Variants in IRAG2 observed in about 807,000 individuals in gnomAD.
The protein encoded by IRAG2 is lymphoid restricted membrane protein.
A neutral mutation model predicts 69.9 loss-of-function variants in IRAG2; 45 were observed. That is an observed-to-expected ratio of 0.64 (90% CI 0.51 to 0.83). The LOEUF is 0.83. Ranked by LOEUF, IRAG2 falls within the 40% of genes least tolerant of loss-of-function variation. The pLI, the probability that IRAG2 is intolerant of heterozygous loss-of-function variation, is 0.00. For missense variants in IRAG2, 520 were observed against 587.0 expected (o/e 0.89, Z 1.18); for synonymous variants, 193 against 202.4 (o/e 0.95, Z 0.40).
rs145290331 is a variant in IRAG2, at chr12:25,026,110, A to C, written c.1384-679A>C. ...CTAATAAAACCTTATTTACAAAAAC[A>C]GGTGGTCAGCTAGATTTGGTCTTTA... is the stretch of plus-strand genomic sequence containing the variant. On this transcript the variant is annotated intron_variant, in intron 8 of 38. Coordinates refer to the IRAG2 transcript ENST00000636465. Among the ~76,000 whole-genome samples, 64 of 152,322 alleles carry C rather than the reference A, an allele frequency of 4.2e-4. 1 individual carries two copies. The East Asian group carries it at 0.01, about 24-fold the overall frequency.
Position 25,079,429 on chromosome 12 carries a change from A to T in IRAG2, c.103A>T (p.Thr35Ser). 6.2e-7 allele frequency: 1 copy of T among 1,613,854 alleles called. No individual in the cohort carries two copies. The highest frequency in any genetic ancestry group is 8.5e-7 in the Non-Finnish European group (1 of 1,179,726). Residue 35 changes from threonine (T) to serine (S), a missense_variant, in exon 8 of 22, where the codon ACT (threonine) becomes TCT (serine). Coordinates refer to ENST00000556887, the MANE Select transcript of IRAG2 (RefSeq NM_001366544.2). ...TTCCTCACTACCATTACCCAGACAC[A>T]CTTCATCGACAGACGGTACTATAAC... ...EYSSLPLPRH[T>S]SSTDGTITSS...
chr12:25,041,846 T>A (rs1472616416), intron 16 of IRAG2, among the ~76,000 whole-genome samples: 1 of 145,794 alleles, frequency 6.9e-6, no homozygotes, highest in East Asian at 2.0e-4. Context: ...ATTTAGATAT[T>A]CTGATATCAA....
At position 25,011,378 on chromosome 12, in the gene IRAG2, C is replaced by T. The variant is rs549167515; in HGVS notation, c.723C>T (p.Val241=). The T allele has an allele frequency of 1.0e-4, 126 of 1,231,646 alleles. No homozygotes were observed. In the African/African-American group the frequency reaches 1.4e-3, roughly 14 times the overall value. 76.3% of individuals were successfully genotyped at this position (1,231,646 alleles called of 1,614,324 possible). ...GCTCTTCTTTTTCCAAAGGCTCAGT[C>T]GGAGTGGCCAAAATAATCAATTTCC... The change falls in exon 3 of 39, where the codon GTC becomes GTT. Residue 241 remains valine (V), a synonymous_variant. Transcript: ENST00000636465.
intron 16 of IRAG2, 187 bp from the exon 17 acceptor site, chr12:25,102,011 C>G (rs756957846): frequency 2.9e-6 from 2 of 691,248 alleles, no homozygotes; most frequent in South Asian, 3.0e-5. Context: ...GGACTGTATT[C>G]CATTGGTTAA....
intron 5 of IRAG2, among the ~76,000 whole-genome samples, chr12:25,067,406 A>G (rs1326724126): frequency 6.6e-6 from 1 of 152,166 alleles, no homozygotes; most frequent in Non-Finnish European, 1.5e-5. Context: ...ATTCAGTTCA[A>G]TTCCAACGTT....
At chr12:25,059,987 G>A (rs1489154020) in intron 1 of IRAG2, among the ~76,000 whole-genome samples, 1 of 152,182 alleles carries the variant, frequency 6.6e-6, no homozygotes, top group Non-Finnish European at 1.5e-5. Context: ...AGATTTCTAT[G>A]TATTTTGGAT....
intron 6 of IRAG2, among the ~76,000 whole-genome samples, chr12:25,017,554 C>A (rs1944540814): frequency 6.6e-6 from 1 of 151,970 alleles, no homozygotes; most frequent in Non-Finnish European, 1.5e-5. Context: ...TCCATCCCTA[C>A]TGAAAATACA....
intron 1 of IRAG2, among the ~76,000 whole-genome samples, chr12:25,054,569 A>G (rs746816983): frequency 2.6e-5 from 4 of 152,170 alleles, no homozygotes; most frequent in African/African-American, 4.8e-5. Context: ...TCACGGCCCA[A>G]TAGATTCAAA....
At chr12:25,027,870 G>A (rs1347887984) in intron 9 of IRAG2, among the ~76,000 whole-genome samples, 1 of 151,980 alleles carries the variant, frequency 6.6e-6, no homozygotes, top group East Asian at 1.9e-4. Context: ...ATTTCTCTTG[G>A]GTATATACCT....
At chr12:25,011,773 G>A (rs1005475954) in intron 3 of IRAG2, among the ~76,000 whole-genome samples, 4 of 152,152 alleles carry the variant, frequency 2.6e-5, no homozygotes, top group East Asian at 1.9e-4. Flanking sequence ...ACAAGTTTCC[G>A]ATGATATTGA....
At chr12:25,031,125 A>T (rs1483912835) in intron 10 of IRAG2, 2 of 945,494 alleles carry the variant, frequency 2.1e-6, no homozygotes, top group East Asian at 1.2e-4. Flanking sequence ...GATATTTGCC[A>T]CTCCTCTTTT....
chr12:25,067,059 G>T lies in IRAG2; in HGVS notation c.-59+547G>T, dbSNP rs866394531. Among the ~76,000 whole-genome samples the T allele has an allele frequency of 5.3e-5, 8 of 152,236 alleles. No homozygotes were observed. The South Asian group carries it at 1.0e-3, about 20-fold the overall frequency. On this transcript the variant is annotated intron_variant, in intron 5 of 21. Transcript: ENST00000556887. ...ACTCTAAAGCTTAAAAGACAAATTA[G>T]ACTACCTAAAATGTTTCCACTTTTT...
chr12:25,065,956 C>T (rs1044731562), intron 4 of IRAG2, among the ~76,000 whole-genome samples: 13 of 152,162 alleles, frequency 8.5e-5, no homozygotes, highest in African/African-American at 2.7e-4. Flanking sequence ...AGGCGTGAGC[C>T]ACCACATCTG....
intron 3 of IRAG2, among the ~76,000 whole-genome samples, chr12:25,012,719 G>A (rs1412063294): frequency 6.6e-6 from 1 of 152,020 alleles, no homozygotes; most frequent in Non-Finnish European, 1.5e-5. Flanking sequence ...TCCCAATCAC[G>A]TGGGAAGCTG....
intron 9 of IRAG2, among the ~76,000 whole-genome samples, chr12:25,029,801 C>T (rs1257411809): frequency 6.6e-6 from 1 of 152,180 alleles, no homozygotes; most frequent in African/African-American, 2.4e-5. Flanking sequence ...CAGCCTCAGC[C>T]TCCCGAGTGC....
upstream of IRAG2, among the ~76,000 whole-genome samples, chr12:25,050,841 T>C (rs1348076521): frequency 6.6e-6 from 1 of 152,074 alleles, no homozygotes; most frequent in African/African-American, 2.4e-5. Context: ...TAGATAAACC[T>C]GGAGGACACT....
chr12:25,052,771 C>T lies in IRAG2; in HGVS notation c.-632C>T, dbSNP rs1944920638. ...CTTTCCTGGCCACACTGCTACAATC[C>T]AGCACTAACTATCCATGTCCAGGGT... On this transcript the variant is annotated 5_prime_UTR_variant, in exon 1 of 22. Coordinates refer to ENST00000556887, the MANE Select transcript of IRAG2 (RefSeq NM_001366544.2). 2 of 398,432 alleles carry T rather than the reference C, an allele frequency of 5.0e-6. No individual in the cohort carries two copies. The highest frequency in any genetic ancestry group is 8.8e-5 in the Admixed American group (2 of 22,712). The allele number at this position is 398,432 out of a possible 1,614,324, so 24.7% of individuals were successfully genotyped here. A position where few individuals can be genotyped will look rare whatever the true frequency, so the allele number is the denominator to read the frequency against.
chr12:25,041,195 T>C (rs1591935280), intron 16 of IRAG2, among the ~76,000 whole-genome samples: 1 of 151,526 alleles, frequency 6.6e-6, no homozygotes, highest in South Asian at 2.1e-4. Context: ...TGGGGCAGGG[T>C]GGGGGGTAAG....
At chr12:25,041,824 C>T (rs1944752652) in intron 16 of IRAG2, among the ~76,000 whole-genome samples, 1 of 150,916 alleles carries the variant, frequency 6.6e-6, no homozygotes, top group Non-Finnish European at 1.5e-5. Context: ...AGGTTTTCAA[C>T]AACAGATAAC....
Sources: allele counts gnomAD v4.1 joint callset (sites outside exome capture counted in the v4.1 genomes callset), GRCh38; gene constraint gnomAD v4.1.1; transcripts MANE v1.5; gene names NCBI Gene and HGNC (gene_info 2026-07-23, HGNC 2026-07-21).